Variants in MYO1A observed in about 807,000 individuals in gnomAD.
MYO1A encodes myosin IA.
A neutral mutation model predicts 138.5 loss-of-function variants in MYO1A; 127 were observed. The observed-to-expected ratio is 0.92, with a 90% CI of 0.79 to 1.06. The LOEUF is 1.06. Among genes scored for constraint, MYO1A ranks in the 50% least tolerant of loss-of-function variants. MYO1A has a pLI of 0.00. For missense variants in MYO1A, 1,211 were observed against 1,288.8 expected, an observed-to-expected ratio of 0.94 and a Z score of 0.92; for synonymous variants, 477 against 497.5, an observed-to-expected ratio of 0.96 and a Z score of 0.55.
intron 17 of MYO1A, 80 bp from the exon 18 acceptor site, chr12:57,038,149 C>T: frequency 1.3e-6 from 2 of 1,500,496 alleles, no homozygotes; most frequent in Non-Finnish European, 1.9e-6. Flanking sequence ...CCCTATGCTG[C>T]ACACGGTGCA....
intron 8 of MYO1A, 31 bp from the exon 9 acceptor site, chr12:57,044,240 A>G: frequency 6.3e-7 from 1 of 1,579,280 alleles, no homozygotes; most frequent in Non-Finnish European, 8.7e-7. Flanking sequence ...GAAGATGGTT[A>G]GTACCCAGGC....
Position 57,028,690 on chromosome 12 carries a change from G to A in MYO1A, c.*65C>T, listed in dbSNP as rs2270740. 5,055 of 1,599,890 alleles carry A rather than the reference G, an allele frequency of 3.2e-3. 162 individuals carry two copies. In the Admixed American group the frequency reaches 0.057, roughly 18 times the overall value. On this transcript the variant is annotated 3_prime_UTR_variant, in exon 28 of 28. Coordinates refer to ENST00000300119, the MANE Select transcript of MYO1A (RefSeq NM_005379.4). ...GGGTTAGAGATCCTCCCACACAGGA[G>A]GGCAGAGGGGGATTAGTGCTGGTTC... is the stretch of plus-strand genomic sequence containing the variant.
intron 22 of MYO1A, among the ~76,000 whole-genome samples, chr12:57,033,223 A>G (rs2030369868): frequency 6.6e-6 from 1 of 152,204 alleles, no homozygotes. Flanking sequence ...ATTTCTCTAC[A>G]TGTCCTTTAT....
chr12:57,040,710 A>G (rs2136449549), intron 14 of MYO1A, among the ~76,000 whole-genome samples: 1 of 152,146 alleles, frequency 6.6e-6, no homozygotes, highest in East Asian at 1.9e-4. Flanking sequence ...TCAATCAGAG[A>G]GCTTTTCTAA....
At chr12:57,036,429 C>A in intron 21 of MYO1A, 48 bp from the exon 22 acceptor site, 1 of 1,565,648 alleles carries the variant, frequency 6.4e-7, no homozygotes, top group South Asian at 1.1e-5. Context: ...TAGGCAGATT[C>A]TAGAAGAGGT....
At position 57,029,534 on chromosome 12, in the gene MYO1A, G is replaced by C. The variant is rs1164348806; in HGVS notation, c.2778C>G (p.Thr926=). ...TGACAATTTTGGCCTGGGACTTCTT[G>C]GTGTCTGTGAGAATCACATGGCCCT... The part of the protein sequence containing the change: ...LTKGHVILTD[T]KKSQAKIVIG... Residue 926 remains threonine (T), a synonymous_variant, in exon 26 of 28, where the codon ACC becomes ACG. Coordinates refer to ENST00000300119, the MANE Select transcript of MYO1A (RefSeq NM_005379.4). 1 of 1,614,194 alleles carries C rather than the reference G, an allele frequency of 6.2e-7. No homozygotes were observed. Among genetic ancestry groups the C allele is most frequent in the Non-Finnish European group, 8.5e-7 (1 of 1,180,022 alleles).
In MYO1A at chr12:57,044,097, G is replaced by A; in HGVS notation, c.744+9C>T. 3.1e-6 allele frequency: 5 copies of A among 1,614,148 alleles called. No individual in the cohort carries two copies. The highest frequency in any genetic ancestry group is 1.1e-5 in the South Asian group (1 of 91,074). On this transcript the variant is annotated intron_variant, in intron 9 of 27. Coordinates refer to ENST00000300119, the MANE Select transcript of MYO1A (RefSeq NM_005379.4). ...AAGGGCCCAAGCCTGCCTCACCCTG[G>A]GCACCCACCTGTACAGCCCTGAAGC...
intron 22 of MYO1A, among the ~76,000 whole-genome samples, chr12:57,032,001 G>A (rs145080919): frequency 1.4e-3 from 211 of 152,212 alleles, no homozygotes; most frequent in African/African-American, 4.6e-3. Context: ...CACACCACCC[G>A]GACAGGACTC....
At chr12:57,033,310 C>T (rs543924829) in intron 22 of MYO1A, among the ~76,000 whole-genome samples, 2 of 152,284 alleles carry the variant, frequency 1.3e-5, no homozygotes, top group East Asian at 3.9e-4. Flanking sequence ...TGGCAACTGA[C>T]TCTTTAGTCT....
At chr12:57,039,812 T>C (rs1200858534) in intron 14 of MYO1A, among the ~76,000 whole-genome samples, 19 of 152,232 alleles carry the variant, frequency 1.2e-4, no homozygotes, top group Admixed American at 1.2e-3. Flanking sequence ...AAGTTTCTGA[T>C]TCAACAGGTC....
Position 57,041,252 on chromosome 12 carries a change from T to C in MYO1A, c.1201A>G (p.Asn401Asp). The C allele has an allele frequency of 6.2e-7, 1 of 1,614,116 alleles. No individual in the cohort carries two copies. The highest frequency in any genetic ancestry group is 1.1e-5 in the South Asian group (1 of 91,068). The change falls in exon 14 of 28, where the codon AAT (asparagine) becomes GAT (aspartate). Residue 401 changes from asparagine to aspartate, a missense_variant. By Grantham distance (23) the Asn-to-Asp change is conservative. Coordinates refer to ENST00000300119, the MANE Select transcript of MYO1A (RefSeq NM_005379.4). ...ATGAACACCTGCTGCAGCTTCTCAT[T>C]GCAGTAGTTGATCACAAATTGCTCA... Reference protein sequence around the residue: ...SFEQFVINYCNEKLQQVFIEM... With the variant: ...SFEQFVINYCDEKLQQVFIEM...
At position 57,047,625 on chromosome 12, in the gene MYO1A, A is replaced by C; in HGVS notation, c.325+2T>G. The C allele has an allele frequency of 6.2e-7, 1 of 1,614,100 alleles. No individual in the cohort carries two copies. The highest frequency in any genetic ancestry group is 8.5e-7 in the Non-Finnish European group (1 of 1,179,988). ...ATGTGTTCCCCCAGCCAGGGGCCTCACCAGTCTTCCCTGATCCACTCTCGC... is the reference window on the plus strand; with the variant it reads ...ATGTGTTCCCCCAGCCAGGGGCCTCCCCAGTCTTCCCTGATCCACTCTCGC... On this transcript the variant is annotated splice_donor_variant, in intron 4 of 27. Transcript: ENST00000300119. LOFTEE classifies it high-confidence loss of function.
At chr12:57,047,034 T>C in intron 6 of MYO1A, 27 bp downstream of exon 6, 1 of 1,613,828 alleles carries the variant, frequency 6.2e-7, no homozygotes, top group African/African-American at 1.3e-5. Context: ...ACATCCTCTC[T>C]TCCCAGGTGG....
Position 57,043,738 on chromosome 12 carries a change from T to C in MYO1A, c.892+118A>G. ...GTCTGTTTAGGGGAGAACTCAGGAG[T>C]GGGCTGAGTGGGACTGCATCAGGGT... is the stretch of plus-strand genomic sequence containing the variant. On this transcript the variant is annotated intron_variant, in intron 10 of 27. Transcript: ENST00000300119. The C allele has an allele frequency of 2.3e-6, 3 of 1,331,090 alleles. No homozygotes were observed. The East Asian group carries it at 7.4e-5, about 33-fold the overall frequency. 82.5% of individuals were successfully genotyped at this position (1,331,090 alleles called of 1,614,324 possible).
At chr12:57,048,504 C>A in intron 1 of MYO1A, among the ~76,000 whole-genome samples, 161 bp from the exon 2 acceptor site, 1 of 152,134 alleles carries the variant, frequency 6.6e-6, no homozygotes, top group Non-Finnish European at 1.5e-5. Flanking sequence ...CCAGCCCAAG[C>A]TAATAGGGAG....
Position 57,038,940 on chromosome 12 carries a change from A to C in MYO1A, c.1402T>G (p.Phe468Val), listed in dbSNP as rs1274661536. 3.7e-6 allele frequency: 6 copies of C among 1,614,176 alleles called. No homozygotes were observed. The highest frequency in any genetic ancestry group is 5.1e-6 in the Non-Finnish European group (6 of 1,180,038). Residue 468 changes from phenylalanine (F) to valine (V), a missense_variant, in exon 16 of 28, where the codon TTC becomes GTC. By Grantham distance (50) the Phe-to-Val change is conservative. Coordinates refer to ENST00000300119, the MANE Select transcript of MYO1A (RefSeq NM_005379.4). ...LRPGVVSDST[F>V]LAKLNQLFSK... is the part of the protein sequence containing the mutation. Reference sequence around the variant, plus strand: ...AAGAGCTGGTTCAGCTTTGCTAGGAAAGTGGAGTCACTGACCACCCCAGGC... The same window carrying C: ...AAGAGCTGGTTCAGCTTTGCTAGGACAGTGGAGTCACTGACCACCCCAGGC...
In MYO1A at chr12:57,028,741, A is replaced by G. The variant is rs1303801255; in HGVS notation, c.*14T>C. On this transcript the variant is annotated 3_prime_UTR_variant, in exon 28 of 28. Transcript: ENST00000300119. ...AGGAGGAAGCAACTGCCATCTCTGC[A>G]TGGTGCCCCCTCCTCACTGCACAGT... The G allele has an allele frequency of 1.2e-6, 2 of 1,613,744 alleles. No homozygotes were observed. Among genetic ancestry groups the G allele is most frequent in the Non-Finnish European group, 1.7e-6 (2 of 1,179,856 alleles).
upstream of MYO1A, chr12:57,050,776 A>G (rs1831736482): frequency 6.6e-6 from 1 of 152,178 alleles, no homozygotes; most frequent in Non-Finnish European, 1.5e-5. Context: ...GCCTCACTGA[A>G]TAGCACCACC....
In MYO1A at chr12:57,030,278, TACCTGCTTCGGGG is replaced by T. The variant is rs1565640083; in HGVS notation, c.2510_2522del (p.Ser837Ter). 6.2e-7 allele frequency: 1 copy of T among 1,613,972 alleles called. No homozygotes were observed. Among genetic ancestry groups the T allele is most frequent in the Non-Finnish European group, 8.5e-7 (1 of 1,179,860 alleles). ...CACAGAGCTTTTCCCTCAGGATCTCTACCTGCTTCGGGGACAGCTGATCCCGGAACCTCTTGCA... is the reference window on the plus strand; with the variant it reads ...CACAGAGCTTTTCCCTCAGGATCTCTACAGCTGATCCCGGAACCTCTTGCA... On this transcript the variant is annotated frameshift_variant, in exon 24 of 28. Coordinates refer to ENST00000300119, the MANE Select transcript of MYO1A (RefSeq NM_005379.4). LOFTEE classifies it high-confidence loss of function.
Sources: allele counts gnomAD v4.1 joint callset (sites outside exome capture counted in the v4.1 genomes callset), GRCh38; gene constraint gnomAD v4.1.1; transcripts MANE v1.5; gene names NCBI Gene and HGNC (gene_info 2026-07-23, HGNC 2026-07-21).